The following EPHA6 variants were observed in gnomAD, a reference collection of about 807,000 sequenced individuals.
The protein encoded by EPHA6 is ephrin type-A receptor 6.
A neutral mutation model predicts 112.0 loss-of-function variants in EPHA6; 50 were observed. The observed-to-expected ratio is 0.45, with a 90% CI of 0.36 to 0.56. The LOEUF (loss-of-function observed/expected upper bound fraction) is 0.56. EPHA6 is among the 20% of genes least tolerant of loss of function. EPHA6 has a pLI of 0.00. For missense variants in EPHA6, 1,280 were observed against 1,417.4 expected, an observed-to-expected ratio of 0.90 and a Z score of 1.56; for synonymous variants, 529 against 490.7, an observed-to-expected ratio of 1.08 and a Z score of -1.03.
Position 97,615,354 on chromosome 3 carries a change from T to C in EPHA6, c.2574+4500T>C, listed in dbSNP as rs530648220. On this transcript the variant is annotated intron_variant, in intron 13 of 17. Coordinates refer to ENST00000389672, the MANE Select transcript of EPHA6 (RefSeq NM_001080448.3). ...CCGATTCACAGAGTCCTGGGAGCTT[T>C]ATATACGTGGGCTCTGGGGTCCCCG... is the stretch of plus-strand genomic sequence containing the variant. Among the ~76,000 whole-genome samples, 104 of 152,214 alleles carry C rather than the reference T, an allele frequency of 6.8e-4. 2 individuals are homozygous for C. The highest frequency in any genetic ancestry group is 3.1e-3 in the South Asian group (15 of 4,826).
intron 5 of EPHA6, among the ~76,000 whole-genome samples, chr3:97,357,513 A>T (rs1297301087): frequency 6.6e-6 from 1 of 152,146 alleles, no homozygotes; most frequent in East Asian, 1.9e-4. Context: ...GACAATGTAT[A>T]GTTGGTCATA....
chr3:97,165,362 A>C (rs1162374200), intron 3 of EPHA6, among the ~76,000 whole-genome samples: 1 of 152,162 alleles, frequency 6.6e-6, no homozygotes, highest in African/African-American at 2.4e-5. Context: ...TATTTTTCAT[A>C]AATTATTATA....
chr3:97,723,989 A>G (rs2034643426), intron 15 of EPHA6, among the ~76,000 whole-genome samples: 1 of 152,166 alleles, frequency 6.6e-6, no homozygotes, highest in African/African-American at 2.4e-5. Flanking sequence ...TTTGATCAAA[A>G]TACAGTATTA....
intron 2 of EPHA6, among the ~76,000 whole-genome samples, chr3:96,965,138 A>G (rs1361839386): frequency 6.6e-6 from 1 of 152,186 alleles, no homozygotes; most frequent in African/African-American, 2.4e-5. Context: ...TGGTTGAAAT[A>G]TGGCCTCTGG....
intron 13 of EPHA6, among the ~76,000 whole-genome samples, chr3:97,628,930 CTATT>C (rs759573663): frequency 1.3e-4 from 19 of 151,858 alleles, no homozygotes; most frequent in Admixed American, 8.5e-4. Context: ...CCACCAATAA[CTATT>C]TGTTTGTTTG....
intron 1 of EPHA6, among the ~76,000 whole-genome samples, chr3:96,847,526 GTAT>G (rs1310111700): frequency 1.3e-5 from 2 of 151,960 alleles, no homozygotes; most frequent in Non-Finnish European, 1.5e-5. Flanking sequence ...GAAAGAAAAT[GTAT>G]TATTATAGAA....
chr3:96,965,672 A>G (rs1260867103), intron 2 of EPHA6, among the ~76,000 whole-genome samples: 3 of 152,064 alleles, frequency 2.0e-5, no homozygotes, highest in Non-Finnish European at 2.9e-5. Flanking sequence ...AATCAAATTT[A>G]CCAATTTTTC....
At position 97,081,756 on chromosome 3, in the gene EPHA6, C is replaced by A. The variant is rs147349426; in HGVS notation, c.1114+93763C>A. 4.9e-3 allele frequency among the ~76,000 whole-genome samples: 749 copies of A among 151,530 alleles called. 6 individuals carry two copies. The highest frequency in any genetic ancestry group is 0.016 in the African/African-American group (660 of 41,440). On this transcript the variant is annotated intron_variant, in intron 3 of 17. Transcript: ENST00000389672. ...AGATGTCCAAATATGAGATTATCAA[C>A]ATTATGATATACCATAACAATAATA...
intron 3 of EPHA6, among the ~76,000 whole-genome samples, chr3:97,092,352 T>C (rs9875285): frequency 0.078 from 11,822 of 152,000 alleles, 523 homozygotes; most frequent in Middle Eastern, 0.13. Context: ...AAAATGTTAA[T>C]CAAATAGAGA....
At chr3:97,653,307 T>C (rs1162338147) in intron 14 of EPHA6, among the ~76,000 whole-genome samples, 1 of 151,784 alleles carries the variant, frequency 6.6e-6, no homozygotes, top group Non-Finnish European at 1.5e-5. Context: ...CTCATACAAC[T>C]CAATAATAAT....
chr3:97,265,544 G>C (rs901530641), intron 5 of EPHA6, among the ~76,000 whole-genome samples: 6 of 152,224 alleles, frequency 3.9e-5, no homozygotes, highest in African/African-American at 1.2e-4. Context: ...CAAGGACCAG[G>C]AGTAGGGAGA....
intron 3 of EPHA6, among the ~76,000 whole-genome samples, chr3:97,002,381 T>C (rs1359147059): frequency 3.4e-5 from 5 of 146,606 alleles, no homozygotes; most frequent in Middle Eastern, 3.8e-3. Context: ...ACCTTACTTA[T>C]GTAAATAATT....
At chr3:97,343,113 G>A (rs1423781033) in intron 5 of EPHA6, among the ~76,000 whole-genome samples, 1 of 152,168 alleles carries the variant, frequency 6.6e-6, no homozygotes, top group Admixed American at 6.6e-5. Context: ...GAAGAAAGCT[G>A]TAGAGAAAGC....
Position 97,677,709 on chromosome 3 carries a change from G to A in EPHA6, c.2784+39627G>A, listed in dbSNP as rs959434096. 1.1e-4 allele frequency among the ~76,000 whole-genome samples: 13 copies of A among 114,368 alleles called. No homozygotes were observed. In the South Asian group the frequency reaches 2.7e-3, roughly 23 times the overall value. The allele number at this position is 114,368 out of a possible 152,430, so 75.0% of individuals were successfully genotyped here. On this transcript the variant is annotated intron_variant, in intron 14 of 17. Coordinates refer to ENST00000389672, the MANE Select transcript of EPHA6 (RefSeq NM_001080448.3). ...GCACTCCAGCCTGGACAACAAGAAC[G>A]AAACTCCATCTTAAAAAAAAAAAAA...
intron 5 of EPHA6, among the ~76,000 whole-genome samples, chr3:97,344,938 T>C (rs527410203): frequency 5.9e-5 from 9 of 152,020 alleles, no homozygotes; most frequent in African/African-American, 2.2e-4. Flanking sequence ...GGAGAAAGAA[T>C]AGGATTGGAT....
chr3:97,001,339 C>G (rs2043656581), intron 3 of EPHA6, among the ~76,000 whole-genome samples: 1 of 151,730 alleles, frequency 6.6e-6, no homozygotes, highest in Non-Finnish European at 1.5e-5. Context: ...AGAAAATCAT[C>G]CCAGATGTGG....
At chr3:97,194,302 T>C (rs2108485245) in intron 3 of EPHA6, among the ~76,000 whole-genome samples, 1 of 152,136 alleles carries the variant, frequency 6.6e-6, no homozygotes, top group Non-Finnish European at 1.5e-5. Context: ...TTTTACAATT[T>C]CCATCTTAAT....
intron 3 of EPHA6, among the ~76,000 whole-genome samples, chr3:97,114,640 TCTTA>T (rs1405840823): frequency 6.6e-6 from 1 of 152,090 alleles, no homozygotes; most frequent in South Asian, 2.1e-4. Flanking sequence ...TATATAGCAT[TCTTA>T]CTTAGAGCTG....
chr3:97,025,346 A>T (rs185145399), intron 3 of EPHA6, among the ~76,000 whole-genome samples: 8 of 152,214 alleles, frequency 5.3e-5, no homozygotes, highest in Admixed American at 5.2e-4. Context: ...GAAAGAGTTG[A>T]GTTTAAAAAG....
Sources: gnomAD v4.1 joint callset for allele counts (sites outside exome capture counted in the v4.1 genomes callset) on GRCh38, gnomAD v4.1.1 for gene constraint, MANE v1.5 for transcripts, NCBI Gene and HGNC (gene_info 2026-07-23, HGNC 2026-07-21) for gene names.